The following MYT1L variants were observed in gnomAD, a reference collection of about 807,000 sequenced individuals.
MYT1L encodes the protein myelin transcription factor 1 like.
A neutral mutation model predicts 126.7 loss-of-function variants in MYT1L; 12 were observed. The ratio of observed to expected loss-of-function variants is 0.09; its 90% CI spans 0.06 to 0.15. The LOEUF is 0.15. MYT1L is among the 10% of genes least tolerant of loss of function. MYT1L has a pLI of 1.00. For synonymous variants in MYT1L, 541 were observed against 604.2 expected, an observed-to-expected ratio of 0.90 and a Z score of 1.53; for missense variants, 979 against 1,585.2, an observed-to-expected ratio of 0.62 and a Z score of 6.49.
At chr2:1,967,572 T>C (rs941369402) in intron 8 of MYT1L, among the ~76,000 whole-genome samples, 2 of 152,226 alleles carry the variant, frequency 1.3e-5, no homozygotes, top group African/African-American at 4.8e-5. Context: ...AAAACCATAC[T>C]GGCCTCAGGG....
chr2:1,945,487 G>A (rs1378237195), intron 8 of MYT1L, among the ~76,000 whole-genome samples: 2 of 152,178 alleles, frequency 1.3e-5, no homozygotes, highest in Non-Finnish European at 2.9e-5. Flanking sequence ...AAGGTGCTGG[G>A]AGAGAGCGTG....
intron 1 of MYT1L, among the ~76,000 whole-genome samples, chr2:2,320,703 C>T (rs2096148654): frequency 1.3e-5 from 2 of 152,164 alleles, no homozygotes; most frequent in African/African-American, 4.8e-5. Flanking sequence ...ATCAGAACCA[C>T]TGAATAATAC....
intron 22 of MYT1L, among the ~76,000 whole-genome samples, chr2:1,804,949 C>T (rs1231127567): frequency 1.3e-5 from 2 of 152,132 alleles, no homozygotes; most frequent in South Asian, 2.1e-4. Context: ...TAAACACTGC[C>T]CCTGCCCCCA....
At chr2:1,897,748 C>T (rs34339648) in intron 14 of MYT1L, among the ~76,000 whole-genome samples, 4,185 of 152,316 alleles carry the variant, frequency 0.027, 86 homozygotes, top group Non-Finnish European at 0.043. Flanking sequence ...CAGGCATAAG[C>T]CACCACGCCG....
chr2:2,148,380 A>G (rs1414725346), intron 3 of MYT1L, among the ~76,000 whole-genome samples: 1 of 152,136 alleles, frequency 6.6e-6, no homozygotes, highest in Non-Finnish European at 1.5e-5. Context: ...TCGAATTCCC[A>G]TGAGAATCTG....
chr2:1,877,703 G>A (rs750016313), intron 18 of MYT1L, among the ~76,000 whole-genome samples: 7 of 152,022 alleles, frequency 4.6e-5, no homozygotes, highest in Non-Finnish European at 8.8e-5. Flanking sequence ...GCGCGGCCAT[G>A]GCTGTGAGCA....
intron 3 of MYT1L, among the ~76,000 whole-genome samples, chr2:2,109,746 TTGA>T (rs1442264147): frequency 9.3e-5 from 14 of 151,222 alleles, no homozygotes; most frequent in Non-Finnish European, 1.2e-4. Flanking sequence ...AGATGGCCAC[TTGA>T]TGATGTAAAT....
chr2:1,910,988 C>T lies in MYT1L; in HGVS notation c.1710-641G>A, dbSNP rs143818271. Among the ~76,000 whole-genome samples, 17 of 152,286 alleles carry T rather than the reference C, an allele frequency of 1.1e-4. No individual in the cohort carries two copies. Among genetic ancestry groups the T allele is most frequent in the African/African-American group, 3.1e-4 (13 of 41,554 alleles). ...GCAAGCTCACTTTATGTGAAATCAC[C>T]GTGTCTGCTCTGTGGGTGTCTACAT... On this transcript the variant is annotated intron_variant, in intron 12 of 24. Transcript: ENST00000647738. This position sits in a 1 kb window ranked among gnomAD's most constrained non-coding sequence, Gnocchi z 4.8.
In MYT1L at chr2:1,887,384, TC is replaced by T. The variant is rs2048293960; in HGVS notation, c.2642+103del. The T allele has an allele frequency of 1.4e-6, 2 of 1,458,722 alleles. No homozygotes were observed. Among genetic ancestry groups the T allele is most frequent in the Non-Finnish European group, 9.5e-7 (1 of 1,050,968 alleles). 90.4% of individuals were successfully genotyped at this position (1,458,722 alleles called of 1,614,324 possible). A position where few individuals can be genotyped will look rare whatever the true frequency, so the allele number is the denominator to read the frequency against. Reference sequence around the variant, plus strand: ...CGGAAACATTTATATGCTGCGAATGTCGCATGCTCAAACGGCAAGGCATATA... The same window carrying T: ...CGGAAACATTTATATGCTGCGAATGTGCATGCTCAAACGGCAAGGCATATA... On this transcript the variant is annotated intron_variant, in intron 17 of 24. Coordinates refer to ENST00000647738, the MANE Select transcript of MYT1L (RefSeq NM_001303052.2). This position sits in a 1 kb window ranked among gnomAD's most constrained non-coding sequence, Gnocchi z 4.8.
intron 3 of MYT1L, among the ~76,000 whole-genome samples, chr2:2,151,008 G>A (rs1163225532): frequency 3.9e-5 from 6 of 152,118 alleles, no homozygotes; most frequent in African/African-American, 1.4e-4. Flanking sequence ...CTGTCAGTTA[G>A]GATGTCAAAG....
chr2:2,312,119 A>C (rs2095982495), intron 1 of MYT1L, among the ~76,000 whole-genome samples: 2 of 152,186 alleles, frequency 1.3e-5, no homozygotes, highest in Non-Finnish European at 2.9e-5. Context: ...ACTTGTGGAA[A>C]GGAGAACAAA....
intron 2 of MYT1L, among the ~76,000 whole-genome samples, chr2:2,252,683 C>T (rs1326227098): frequency 1.3e-5 from 2 of 152,154 alleles, no homozygotes; most frequent in Non-Finnish European, 2.9e-5. Flanking sequence ...TGCAAAGCTC[C>T]CCTGTCCCCA....
intron 18 of MYT1L, among the ~76,000 whole-genome samples, chr2:1,876,040 C>T (rs1011774460): frequency 2.0e-5 from 3 of 152,188 alleles, no homozygotes; most frequent in African/African-American, 7.2e-5. Flanking sequence ...TGTCCACGTG[C>T]ACATCTGCGG....
intron 14 of MYT1L, among the ~76,000 whole-genome samples, chr2:1,893,779 G>T (rs1466866016): frequency 6.6e-6 from 1 of 152,214 alleles, no homozygotes; most frequent in Non-Finnish European, 1.5e-5. Flanking sequence ...GCAATGCTAA[G>T]AAATTGCCCT....
At chr2:2,282,220 C>T (rs1308301634) in intron 2 of MYT1L, among the ~76,000 whole-genome samples, 1 of 152,210 alleles carries the variant, frequency 6.6e-6, no homozygotes, top group Non-Finnish European at 1.5e-5. Flanking sequence ...TCACCACTGC[C>T]TCACACAGTG....
chr2:1,883,673 G>A (rs541594285), intron 18 of MYT1L, among the ~76,000 whole-genome samples: 7 of 152,236 alleles, frequency 4.6e-5, no homozygotes, highest in Middle Eastern at 3.4e-3. Context: ...ACAAGGTGAC[G>A]GTGAACTCCA....
At chr2:1,897,761 C>T (rs2049797642) in intron 14 of MYT1L, among the ~76,000 whole-genome samples, 1 of 152,154 alleles carries the variant, frequency 6.6e-6, no homozygotes, top group South Asian at 2.1e-4. Context: ...CCACGCCGGC[C>T]CAGAGCTATT....
At chr2:2,309,028 C>T (rs1160311750) in intron 1 of MYT1L, among the ~76,000 whole-genome samples, 1 of 151,846 alleles carries the variant, frequency 6.6e-6, no homozygotes, top group Non-Finnish European at 1.5e-5. Flanking sequence ...TACCCCTGTC[C>T]TTCAGTACAT....
At chr2:2,285,243 A>G (rs556846067) in intron 1 of MYT1L, among the ~76,000 whole-genome samples, 2 of 152,294 alleles carry the variant, frequency 1.3e-5, no homozygotes, top group East Asian at 3.9e-4. Flanking sequence ...CGTGAATTGC[A>G]TTATGGCAAT....
Sources: gnomAD v4.1 joint callset for allele counts (sites outside exome capture counted in the v4.1 genomes callset) on GRCh38, gnomAD v4.1.1 for gene constraint, Gnocchi (gnomAD v3.1) non-coding constraint, MANE v1.5 for transcripts, NCBI Gene and HGNC (gene_info 2026-07-23, HGNC 2026-07-21) for gene names.